CNTNAP2: variants seen among roughly 807,000 people sequenced by gnomAD.
CNTNAP2 encodes contactin associated protein 2, also known as contactin-associated protein-like 2.
Under a neutral mutation model 155.2 loss-of-function variants are expected in CNTNAP2, and 98 were observed. That is an observed-to-expected ratio of 0.63 (90% CI 0.54 to 0.75). The LOEUF (loss-of-function observed/expected upper bound fraction) is 0.75. CNTNAP2 is among the 30% of genes least tolerant of loss of function. CNTNAP2 has a pLI of 0.00. For missense variants in CNTNAP2, 1,727 were observed against 1,688.1 expected (o/e 1.02, Z -0.40); for synonymous variants, 651 against 631.2 (o/e 1.03, Z -0.47).
chr7:147,240,370 ATGAG>A (rs1227667882), intron 8 of CNTNAP2, among the ~76,000 whole-genome samples: 5 of 152,206 alleles, frequency 3.3e-5, no homozygotes, highest in Admixed American at 2.0e-4. Context: ...TGTCGTGGCA[ATGAG>A]CAAATACAGG....
chr7:146,994,891 A>G (rs948515706), intron 3 of CNTNAP2, among the ~76,000 whole-genome samples: 1 of 152,070 alleles, frequency 6.6e-6, no homozygotes, highest in Non-Finnish European at 1.5e-5. Context: ...TTTTAAGAAT[A>G]CAACATGATT....
At chr7:147,631,829 A>G (rs77688158) in intron 12 of CNTNAP2, among the ~76,000 whole-genome samples, 9 of 152,184 alleles carry the variant, frequency 5.9e-5, no homozygotes, top group Non-Finnish European at 1.3e-4. Context: ...TAAAAAATCA[A>G]CTCAAGATTG....
chr7:147,835,323 T>C (rs1472479020), intron 13 of CNTNAP2, among the ~76,000 whole-genome samples: 1 of 152,158 alleles, frequency 6.6e-6, no homozygotes, highest in Non-Finnish European at 1.5e-5. Context: ...AGAAAACATG[T>C]AAAGGCTATC....
At chr7:147,226,220 G>T (rs934854206) in intron 8 of CNTNAP2, among the ~76,000 whole-genome samples, 3 of 152,112 alleles carry the variant, frequency 2.0e-5, no homozygotes, top group Admixed American at 1.3e-4. Flanking sequence ...AATAGATGTA[G>T]TGCAATTGTC....
At chr7:147,504,763 T>C (rs986708303) in intron 11 of CNTNAP2, among the ~76,000 whole-genome samples, 32 of 151,202 alleles carry the variant, frequency 2.1e-4, no homozygotes, top group Admixed American at 1.3e-4. Context: ...ATAATCACAT[T>C]AATATAAATT....
chr7:146,893,072 G>A (rs1054278686), intron 3 of CNTNAP2, among the ~76,000 whole-genome samples: 3 of 152,030 alleles, frequency 2.0e-5, no homozygotes, highest in Non-Finnish European at 4.4e-5. Flanking sequence ...GGACTTTTGT[G>A]GTCTGATATG....
At chr7:146,627,972 G>A (rs1455047143) in intron 1 of CNTNAP2, among the ~76,000 whole-genome samples, 1 of 151,992 alleles carries the variant, frequency 6.6e-6, no homozygotes, top group African/African-American at 2.4e-5. Context: ...AAATTTATGT[G>A]TGTTTGCCAA....
chr7:148,370,205 A>G (rs1356922275), intron 21 of CNTNAP2, among the ~76,000 whole-genome samples: 1 of 152,138 alleles, frequency 6.6e-6, no homozygotes, highest in East Asian at 1.9e-4. Context: ...TCTCAGCTCT[A>G]GACTGAGGCA....
intron 3 of CNTNAP2, among the ~76,000 whole-genome samples, chr7:146,890,128 C>A (rs538275029): frequency 4.6e-5 from 7 of 152,240 alleles, no homozygotes; most frequent in African/African-American, 1.7e-4. Context: ...GATGAAAATG[C>A]CACCTGTGTC....
intron 3 of CNTNAP2, among the ~76,000 whole-genome samples, chr7:146,909,442 A>C (rs1343140014): frequency 1.5e-3 from 94 of 61,688 alleles, no homozygotes; most frequent in African/African-American, 6.1e-3. Flanking sequence ...GCACATCAAA[A>C]AGCTTATCCA....
intron 10 of CNTNAP2, among the ~76,000 whole-genome samples, chr7:147,413,647 C>T (rs892962502): frequency 6.6e-6 from 1 of 152,142 alleles, no homozygotes; most frequent in African/African-American, 2.4e-5. Flanking sequence ...TAGGTGCATA[C>T]AGATCATCTG....
intron 3 of CNTNAP2, among the ~76,000 whole-genome samples, chr7:147,042,408 C>T (rs560540011): frequency 2.0e-5 from 3 of 152,266 alleles, no homozygotes; most frequent in Middle Eastern, 3.4e-3. Context: ...CTAGGCCTTA[C>T]ATTACACATT....
chr7:146,885,971 G>GTGTA (rs1358157120), intron 3 of CNTNAP2, among the ~76,000 whole-genome samples: 1 of 118,238 alleles, frequency 8.5e-6, no homozygotes, highest in Non-Finnish European at 1.8e-5. Context: ...GTGTGTGTGT[G>GTGTA]TGTATGTGCT....
Position 146,165,556 on chromosome 7 carries a change from G to A in CNTNAP2, c.97+48583G>A, listed in dbSNP as rs541777345. Among the ~76,000 whole-genome samples the A allele has an allele frequency of 8.7e-4, 133 of 152,246 alleles. No homozygotes were observed. In the Middle Eastern group the frequency reaches 0.01, roughly 12 times the overall value. On this transcript the variant is annotated intron_variant, in intron 1 of 23. Transcript: ENST00000361727. ...ACATTTCAAGTCAGTCTGTCAATTA[G>A]TATTTTTGACTGAATAATTGAAATC...
At chr7:146,374,249 A>G (rs1795275734) in intron 1 of CNTNAP2, among the ~76,000 whole-genome samples, 1 of 152,216 alleles carries the variant, frequency 6.6e-6, no homozygotes, top group African/African-American at 2.4e-5. Flanking sequence ...ATCTAAAATC[A>G]CAAATGATAA....
chr7:146,200,495 CAT>C (rs10631041), intron 1 of CNTNAP2, among the ~76,000 whole-genome samples: 8 of 142,468 alleles, frequency 5.6e-5, no homozygotes, highest in East Asian at 2.1e-4. Context: ...TCCGTCTAAA[CAT>C]ATATATATAT....
intron 8 of CNTNAP2, among the ~76,000 whole-genome samples, chr7:147,183,702 G>A (rs1449888059): frequency 6.6e-6 from 1 of 152,116 alleles, no homozygotes; most frequent in Non-Finnish European, 1.5e-5. Context: ...ACGGGCTTGG[G>A]ATTGGTCACA....
At chr7:148,019,120 T>A (rs1802232600) in intron 15 of CNTNAP2, among the ~76,000 whole-genome samples, 1 of 152,216 alleles carries the variant, frequency 6.6e-6, no homozygotes, top group Admixed American at 6.5e-5. Context: ...CACCTAGCAA[T>A]GCATCTGTTG....
chr7:147,849,299 C>G (rs1365571995), intron 13 of CNTNAP2, among the ~76,000 whole-genome samples: 1 of 151,996 alleles, frequency 6.6e-6, no homozygotes, highest in African/African-American at 2.4e-5. Context: ...GTTAATATAC[C>G]AACAGATTGA....
Sources: gnomAD v4.1 joint callset for allele counts (sites outside exome capture counted in the v4.1 genomes callset) on GRCh38, gnomAD v4.1.1 for gene constraint, MANE v1.5 for transcripts, NCBI Gene and HGNC (gene_info 2026-07-23, HGNC 2026-07-21) for gene names.